The following SATB2 variants were observed in gnomAD, a reference collection of about 807,000 sequenced individuals.
SATB2 encodes the protein DNA-binding protein SATB2.
In SATB2, 1 loss-of-function variant was observed where a neutral mutation model predicts 73.4. The ratio of observed to expected loss-of-function variants is 0.01; its 90% CI spans 0.00 to 0.06. The LOEUF is 0.06. Among genes scored for constraint, SATB2 ranks in the 10% least tolerant of loss-of-function variants. The probability of loss-of-function intolerance (pLI) is 1.00; values close to 1 mark genes in which losing one functional copy is unlikely to be tolerated. For missense variants in SATB2, 459 were observed against 945.8 expected, an observed-to-expected ratio of 0.49 and a Z score of 6.75; for synonymous variants, 397 against 367.0, an observed-to-expected ratio of 1.08 and a Z score of -0.93.
intron 5 of SATB2, among the ~76,000 whole-genome samples, chr2:199,377,359 CAG>C (rs1271366546): frequency 6.6e-6 from 1 of 152,110 alleles, no homozygotes; most frequent in African/African-American, 2.4e-5. Flanking sequence ...GCCTGGGTGA[CAG>C]AGCGAAATTC....
intron 10 of SATB2, among the ~76,000 whole-genome samples, chr2:199,286,620 C>T (rs1692696376): frequency 6.6e-6 from 1 of 152,124 alleles, no homozygotes; most frequent in Admixed American, 6.5e-5. Context: ...ACTTGCCTGA[C>T]ATCCATAAGC....
chr2:199,369,291 C>T (rs955069944), intron 5 of SATB2, among the ~76,000 whole-genome samples: 1 of 151,982 alleles, frequency 6.6e-6, no homozygotes, highest in Non-Finnish European at 1.5e-5. Flanking sequence ...AAAAATGAAC[C>T]AAAGCTCAAA....
chr2:199,315,329 G>T (rs183226326), intron 9 of SATB2, among the ~76,000 whole-genome samples: 122 of 152,066 alleles, frequency 8.0e-4, no homozygotes, highest in South Asian at 6.9e-3. Context: ...ATAAATGAGT[G>T]ACATATCCTC....
At chr2:199,390,016 A>G (rs899037323) in intron 3 of SATB2, among the ~76,000 whole-genome samples, 1 of 152,128 alleles carries the variant, frequency 6.6e-6, no homozygotes, top group Non-Finnish European at 1.5e-5. Context: ...ATGTTATGTT[A>G]CAACCCTGAC....
chr2:199,293,412 GA>G (rs1389064516), intron 10 of SATB2, among the ~76,000 whole-genome samples: 3 of 152,094 alleles, frequency 2.0e-5, no homozygotes, highest in South Asian at 4.1e-4. Flanking sequence ...TTCTACAAAG[GA>G]AAAGGTATCG....
At chr2:199,386,732 ACACACACAC>A in intron 3 of SATB2, among the ~76,000 whole-genome samples, 1 of 92,984 alleles carries the variant, frequency 1.1e-5, no homozygotes, top group East Asian at 2.3e-4. Flanking sequence ...ACACACACAC[ACACACACAC>A]ACACACACAC....
Position 199,430,716 on chromosome 2 carries a change from T to G in SATB2, c.346+2622A>C, listed in dbSNP as rs142761555. 1.2e-4 allele frequency among the ~76,000 whole-genome samples: 18 copies of G among 152,306 alleles called. No homozygotes were observed. The East Asian group carries it at 3.5e-3, about 29-fold the overall frequency. The stretch of plus-strand genomic sequence containing the variant: ...AAAAATTCAACTCACCTGGAGGGAA[T>G]ACCCTCTGAGAAAAAGAAACTGACT... On this transcript the variant is annotated intron_variant, in intron 3 of 10. Transcript: ENST00000417098.
chr2:199,296,881 T>C (rs555921081), intron 10 of SATB2, among the ~76,000 whole-genome samples: 1 of 152,232 alleles, frequency 6.6e-6, no homozygotes, highest in African/African-American at 2.4e-5. Context: ...AAATAGAGAG[T>C]AATATTTATT....
intron 2 of SATB2, among the ~76,000 whole-genome samples, chr2:199,435,948 A>T (rs1347551095): frequency 6.6e-6 from 1 of 152,208 alleles, no homozygotes; most frequent in Non-Finnish European, 1.5e-5. Flanking sequence ...TAATGATTTA[A>T]GCATATGCAC....
chr2:199,442,659 A>T (rs1281994828), intron 2 of SATB2, among the ~76,000 whole-genome samples: 1 of 152,174 alleles, frequency 6.6e-6, no homozygotes, highest in Non-Finnish European at 1.5e-5. Context: ...AAGTGGAAGG[A>T]TCAGTTGAGC....
intron 6 of SATB2, among the ~76,000 whole-genome samples, chr2:199,358,612 TTAAC>T (rs1689053582): frequency 6.6e-6 from 1 of 152,200 alleles, no homozygotes; most frequent in Non-Finnish European, 1.5e-5. Context: ...AGCCAACTTG[TTAAC>T]TCCTAATAAA....
At chr2:199,356,197 T>C (rs1688976966) in intron 6 of SATB2, among the ~76,000 whole-genome samples, 1 of 111,470 alleles carries the variant, frequency 9.0e-6, no homozygotes, top group Non-Finnish European at 1.7e-5. Flanking sequence ...GAACCTCTCC[T>C]AGAAACCCTG....
intron 9 of SATB2, among the ~76,000 whole-genome samples, chr2:199,313,481 T>G (rs537071282): frequency 3.3e-4 from 51 of 152,284 alleles, no homozygotes; most frequent in East Asian, 5.8e-4. Flanking sequence ...ATAATATTTA[T>G]TCACATCTCA....
intron 10 of SATB2, among the ~76,000 whole-genome samples, chr2:199,305,799 A>G (rs889510364): frequency 6.6e-6 from 1 of 152,108 alleles, no homozygotes; most frequent in Admixed American, 6.5e-5. Context: ...TCATATCTTT[A>G]CCATATATGA....
chr2:199,452,305 A>C (rs368809964), intron 2 of SATB2, among the ~76,000 whole-genome samples: 3 of 152,166 alleles, frequency 2.0e-5, no homozygotes, highest in Non-Finnish European at 4.4e-5. Context: ...ATGAAGCACA[A>C]TAATTTATTG....
intron 10 of SATB2, among the ~76,000 whole-genome samples, chr2:199,307,168 C>T (rs1202430344): frequency 1.3e-5 from 2 of 152,058 alleles, no homozygotes; most frequent in Non-Finnish European, 2.9e-5. Context: ...GTAGCATTTA[C>T]ATGATCTTTT....
intron 3 of SATB2, among the ~76,000 whole-genome samples, chr2:199,395,240 T>C (rs905770744): frequency 4.6e-5 from 7 of 152,224 alleles, no homozygotes; most frequent in African/African-American, 7.2e-5. Flanking sequence ...AAACACCTTA[T>C]AATAATCCAT....
chr2:199,426,489 A>G (rs1349978380), intron 3 of SATB2, among the ~76,000 whole-genome samples: 4 of 151,816 alleles, frequency 2.6e-5, no homozygotes, highest in African/African-American at 4.8e-5. Flanking sequence ...GGGTTTGGCC[A>G]TCTGGTCATG....
intron 10 of SATB2, among the ~76,000 whole-genome samples, chr2:199,293,509 T>TTAA (rs531145828): frequency 6.6e-6 from 1 of 152,132 alleles, no homozygotes. Flanking sequence ...AAACCTATTA[T>TTAA]TAATAATATT....
Sources: allele counts gnomAD v4.1 joint callset (sites outside exome capture counted in the v4.1 genomes callset), GRCh38; gene constraint gnomAD v4.1.1; transcripts MANE v1.5; gene names NCBI Gene and HGNC (gene_info 2026-07-23, HGNC 2026-07-21).